Variants in CCDC125 observed in about 807,000 individuals in gnomAD.
CCDC125 encodes the protein coiled-coil domain-containing protein 125.
A neutral mutation model predicts 57.4 loss-of-function variants in CCDC125; 43 were observed. The ratio of observed to expected loss-of-function variants is 0.75; its 90% CI spans 0.59 to 0.97. The LOEUF (loss-of-function observed/expected upper bound fraction) is 0.97. Among genes scored for constraint, CCDC125 ranks in the 50% least tolerant of loss-of-function variants. CCDC125 has a pLI of 0.00. For synonymous variants in CCDC125, 187 were observed against 195.2 expected (o/e 0.96, Z 0.35); for missense variants, 563 against 595.7 (o/e 0.95, Z 0.57).
At chr5:69,307,339 G>A (rs774977969) in intron 5 of CCDC125, among the ~76,000 whole-genome samples, 1 of 151,666 alleles carries the variant, frequency 6.6e-6, no homozygotes, top group African/African-American at 2.4e-5. Flanking sequence ...TCAGAAAGAC[G>A]TACGTCCTGC....
chr5:69,308,618 G>T, intron 4 of CCDC125: 1 of 174,632 alleles, frequency 5.7e-6, no homozygotes, highest in Non-Finnish European at 1.2e-5. Flanking sequence ...TCCCAGTCTT[G>T]GGTATGTCTT....
At chr5:69,277,229 G>A, downstream of CCDC125, 1 of 840,466 alleles carries the variant, frequency 1.2e-6, no homozygotes, top group East Asian at 2.7e-5. Flanking sequence ...CTGTAGAAGT[G>A]AGTTTGTAAA....
At chr5:69,330,768 AT>A (rs1270597235) in intron 1 of CCDC125, among the ~76,000 whole-genome samples, 1 of 152,068 alleles carries the variant, frequency 6.6e-6, no homozygotes, top group African/African-American at 2.4e-5. Flanking sequence ...ACCCAAAAAA[AT>A]CTCCCCAAAC....
downstream of CCDC125, chr5:69,277,047 G>T (rs911953518): frequency 7.0e-7 from 1 of 1,424,074 alleles, no homozygotes; most frequent in Admixed American, 2.1e-5. Context: ...ATTGCTATGA[G>T]AATGTGAACT....
At chr5:69,274,193 T>G in the CCDC125 span, among the ~76,000 whole-genome samples, 2 of 152,236 alleles carry the variant, frequency 1.3e-5, no homozygotes, top group Admixed American at 6.5e-5. Context: ...GTATTTGGGT[T>G]GTATTTTAAT....
chr5:69,313,091 GC>G (rs1234487678), intron 3 of CCDC125, among the ~76,000 whole-genome samples: 1 of 152,008 alleles, frequency 6.6e-6, no homozygotes, highest in Non-Finnish European at 1.5e-5. Context: ...GAAAATACAG[GC>G]CCCCCCATAA....
downstream of CCDC125, chr5:69,276,816 A>T: frequency 2.3e-6 from 2 of 862,102 alleles, no homozygotes; most frequent in Non-Finnish European, 3.5e-6. Flanking sequence ...TATAAATTTA[A>T]TTGTATAAAG....
chr5:69,288,179 C>G (rs1187912041), intron 10 of CCDC125, among the ~76,000 whole-genome samples: 1 of 152,104 alleles, frequency 6.6e-6, no homozygotes, highest in Non-Finnish European at 1.5e-5. Context: ...GCATCTGACA[C>G]AGAGCCCCTA....
intron 3 of CCDC125, among the ~76,000 whole-genome samples, chr5:69,312,120 T>A (rs1369328292): frequency 6.6e-6 from 1 of 152,054 alleles, no homozygotes; most frequent in East Asian, 1.9e-4. Flanking sequence ...CAGGCCCCAA[T>A]CCAATGACTA....
the CCDC125 span, chr5:69,273,092 T>G: frequency 5.8e-6 from 7 of 1,200,972 alleles, no homozygotes; most frequent in Admixed American, 9.6e-5. Context: ...TAATCTTAAC[T>G]GTAGCATTGA....
intron 3 of CCDC125, among the ~76,000 whole-genome samples, chr5:69,312,487 C>CAGAA (rs1275919911): frequency 1.3e-5 from 2 of 152,216 alleles, no homozygotes; most frequent in Non-Finnish European, 2.9e-5. Flanking sequence ...ACACCCCTCG[C>CAGAA]AGAAACTGCT....
rs112180048 is a variant in CCDC125, at chr5:69,282,485, C to T, written c.*244G>A. 163 of 345,708 alleles carry T rather than the reference C, an allele frequency of 4.7e-4. 2 individuals carry two copies. Among genetic ancestry groups the T allele is most frequent in the African/African-American group, 3.1e-3 (146 of 47,040 alleles). 21.4% of individuals were successfully genotyped at this position (345,708 alleles called of 1,614,324 possible). On this transcript the variant is annotated 3_prime_UTR_variant, in exon 12 of 12. Coordinates refer to ENST00000396496, the MANE Select transcript of CCDC125 (RefSeq NM_176816.5). ...GCTGAGGCAGGAGAATTGCTTGAAC[C>T]GGGAGGCGGAGGTTGCAGTGAACCG...
chr5:69,292,294 C>G lies in CCDC125; in HGVS notation c.993G>C (p.Glu331Asp). ...GGTCATTTTTTCTCATTAATTGTTG[C>G]TCAAATGCAATTCTGAAAGCATCTG... The part of the protein sequence containing the change: ...VMADAFRIAF[E>D]QQLMRKNDQA... Residue 331 changes from glutamate (E) to aspartate (D), a missense_variant, in exon 10 of 12, where the codon GAG becomes GAC. Coordinates refer to ENST00000396496, the MANE Select transcript of CCDC125 (RefSeq NM_176816.5). The G allele has an allele frequency of 6.2e-7, 1 of 1,613,660 alleles. No homozygotes were observed. Among genetic ancestry groups the G allele is most frequent in the Non-Finnish European group, 8.5e-7 (1 of 1,179,788 alleles).
intron 10 of CCDC125, among the ~76,000 whole-genome samples, chr5:69,288,355 G>C (rs1753847254): frequency 6.6e-6 from 1 of 152,170 alleles, no homozygotes; most frequent in Non-Finnish European, 1.5e-5. Flanking sequence ...GGAAGCGAGA[G>C]GGGCTGAAGG....
chr5:69,320,335 C>A lies in CCDC125; in HGVS notation c.206G>T (p.Arg69Ile), dbSNP rs187131189. The change falls in exon 2 of 12, where the codon AGA becomes ATA. Residue 69 changes from arginine (R) to isoleucine (I), a missense_variant. Physicochemically the swap from Arg to Ile is moderately conservative, Grantham distance 97. Coordinates refer to ENST00000396496, the MANE Select transcript of CCDC125 (RefSeq NM_176816.5). ...GGAATACTGAAAACTCGCTTCATTT[C>A]TTTCTTCTCCCTTTCTCGGAAATGG... is the stretch of plus-strand genomic sequence containing the variant. ...PPPFPRKGEE[R>I]NEASFQYSKH... 2 of 1,614,056 alleles carry A rather than the reference C, an allele frequency of 1.2e-6. No homozygotes were observed. Among genetic ancestry groups the A allele is most frequent in the African/African-American group, 1.3e-5 (1 of 75,022 alleles).
downstream of CCDC125, chr5:69,280,088 T>G (rs1377712274): frequency 6.6e-6 from 1 of 152,084 alleles, no homozygotes; most frequent in African/African-American, 2.4e-5. Context: ...CTTCAACATG[T>G]GGGAATTATG....
At chr5:69,284,189 A>G (rs1322147459) in intron 11 of CCDC125, among the ~76,000 whole-genome samples, 1 of 152,178 alleles carries the variant, frequency 6.6e-6, no homozygotes, top group African/African-American at 2.4e-5. Flanking sequence ...ATATAGATCT[A>G]TATGAAGTGT....
chr5:69,306,865 T>C lies in CCDC125; in HGVS notation c.569A>G (p.His190Arg). 6.5e-7 allele frequency: 1 copy of C among 1,531,182 alleles called. No homozygotes were observed. The highest frequency in any genetic ancestry group is 8.7e-7 in the Non-Finnish European group (1 of 1,144,388). The allele number at this position is 1,531,182 out of a possible 1,614,324, so 94.8% of individuals were successfully genotyped here. Residue 190 changes from histidine to arginine, a missense_variant, in exon 6 of 12, where the codon CAT (histidine) becomes CGT (arginine). By Grantham distance (29) the His-to-Arg change is conservative. Coordinates refer to ENST00000396496, the MANE Select transcript of CCDC125 (RefSeq NM_176816.5). ...TTCCTCTATATTTTTAAATCTATTA[T>C]GATCAAATTCTATTTCCCACTGCAA... ...NALQWEIEFD[H>R]NRFKNIEESW... is the part of the protein sequence containing the mutation.
intron 8 of CCDC125, among the ~76,000 whole-genome samples, chr5:69,296,336 G>T (rs1376892191): frequency 1.3e-5 from 2 of 152,082 alleles, no homozygotes; most frequent in African/African-American, 4.8e-5. Context: ...TGGATGATCT[G>T]AAGTCAGGAG....
Sources: allele counts gnomAD v4.1 joint callset (sites outside exome capture counted in the v4.1 genomes callset), GRCh38; gene constraint gnomAD v4.1.1; transcripts MANE v1.5; gene names NCBI Gene and HGNC (gene_info 2026-07-23, HGNC 2026-07-21).